Variants in LGR5 observed in about 807,000 individuals in gnomAD.
The protein encoded by LGR5 is leucine-rich repeat-containing G protein-coupled receptor 5.
A neutral mutation model predicts 76.7 loss-of-function variants in LGR5; 54 were observed. The ratio of observed to expected loss-of-function variants is 0.70; its 90% CI spans 0.57 to 0.88. The LOEUF (loss-of-function observed/expected upper bound fraction) is 0.88, where lower values mean the gene tolerates loss of function less well. Ranked by LOEUF, LGR5 falls within the 40% of genes least tolerant of loss-of-function variation. The pLI, the probability that LGR5 is intolerant of heterozygous loss-of-function variation, is 0.00. For missense variants in LGR5, 1,078 were observed against 1,073.3 expected (o/e 1.00, Z -0.06); for synonymous variants, 406 against 421.9 (o/e 0.96, Z 0.46).
chr12:71,448,405 A>G (rs537823967), intron 1 of LGR5: 1 of 152,336 alleles, frequency 6.6e-6, no homozygotes, highest in East Asian at 1.9e-4. Flanking sequence ...ACCTTAGTAC[A>G]TAACAAGGAT....
At chr12:71,545,293 A>G (rs1487475337) in intron 4 of LGR5, among the ~76,000 whole-genome samples, 1 of 152,022 alleles carries the variant, frequency 6.6e-6, no homozygotes, top group Non-Finnish European at 1.5e-5. Flanking sequence ...CAAAAAATAC[A>G]AAAAATTAGC....
chr12:71,560,673 TC>T (rs1270182610), intron 7 of LGR5, among the ~76,000 whole-genome samples: 2 of 152,178 alleles, frequency 1.3e-5, no homozygotes, highest in Non-Finnish European at 2.9e-5. Flanking sequence ...ATGCCTATAA[TC>T]CCAGCTTCTT....
At chr12:71,561,884 A>G in intron 8 of LGR5, 32 bp downstream of exon 8, 1 of 1,218,880 alleles carries the variant, frequency 8.2e-7, no homozygotes. Flanking sequence ...CGGTTTCTCC[A>G]TCCTGAAATA....
At chr12:71,451,483 T>C (rs997262609) in intron 1 of LGR5, among the ~76,000 whole-genome samples, 4 of 152,298 alleles carry the variant, frequency 2.6e-5, no homozygotes, top group Middle Eastern at 3.4e-3. Context: ...TGTGTTGCCA[T>C]CTGCTGGGAT....
chr12:71,474,722 AT>A (rs1372495762), intron 1 of LGR5, among the ~76,000 whole-genome samples: 1 of 152,224 alleles, frequency 6.6e-6, no homozygotes, highest in African/African-American at 2.4e-5. Context: ...AATTTACTTA[AT>A]TTTAAGCTTG....
chr12:71,475,995 G>C (rs142503292), intron 1 of LGR5, among the ~76,000 whole-genome samples: 253 of 152,224 alleles, frequency 1.7e-3, no homozygotes, highest in African/African-American at 5.7e-3. Context: ...TGATATGTTG[G>C]GGATTGACAC....
At chr12:71,516,118 G>A (rs1875421208) in intron 2 of LGR5, among the ~76,000 whole-genome samples, 1 of 151,996 alleles carries the variant, frequency 6.6e-6, no homozygotes, top group Non-Finnish European at 1.5e-5. Context: ...GGGAGGAAAA[G>A]GAGAATGAGG....
chr12:71,515,005 G>A (rs1875367604), intron 2 of LGR5, among the ~76,000 whole-genome samples: 1 of 152,184 alleles, frequency 6.6e-6, no homozygotes, highest in South Asian at 2.1e-4. Flanking sequence ...TCTTACCAAA[G>A]ATGAACACAA....
chr12:71,482,217 C>A (rs1204286972), intron 1 of LGR5, among the ~76,000 whole-genome samples: 3 of 152,152 alleles, frequency 2.0e-5, no homozygotes, highest in Admixed American at 2.0e-4. Context: ...TCTTAGGGGA[C>A]ATTTATTTGG....
intron 2 of LGR5, among the ~76,000 whole-genome samples, chr12:71,511,827 C>G (rs1875171406): frequency 6.6e-6 from 1 of 152,014 alleles, no homozygotes; most frequent in African/African-American, 2.4e-5. Context: ...AGACTTGTGC[C>G]TGCCCTGTCA....
intron 1 of LGR5, among the ~76,000 whole-genome samples, chr12:71,459,255 C>T (rs1872601739): frequency 6.6e-6 from 1 of 152,046 alleles, no homozygotes; most frequent in South Asian, 2.1e-4. Flanking sequence ...GCCTTACTGG[C>T]TTATAGTTTT....
intron 4 of LGR5, among the ~76,000 whole-genome samples, chr12:71,552,522 G>A (rs903730052): frequency 1.3e-5 from 2 of 149,856 alleles, no homozygotes; most frequent in African/African-American, 4.9e-5. Flanking sequence ...CCGAGATCGC[G>A]CCATTGCACT....
chr12:71,531,469 A>G (rs1005389968), intron 3 of LGR5, among the ~76,000 whole-genome samples: 3 of 152,234 alleles, frequency 2.0e-5, no homozygotes, highest in African/African-American at 7.2e-5. Flanking sequence ...GGGAGTGATC[A>G]GGGCTTAAAT....
At chr12:71,546,287 C>A (rs1201888492) in intron 4 of LGR5, among the ~76,000 whole-genome samples, 1 of 148,824 alleles carries the variant, frequency 6.7e-6, no homozygotes, top group East Asian at 2.0e-4. Flanking sequence ...TGCACTCCAG[C>A]CTGGGAGACA....
intron 13 of LGR5, among the ~76,000 whole-genome samples, chr12:71,577,382 T>C (rs993205606): frequency 2.6e-5 from 4 of 152,216 alleles, no homozygotes; most frequent in African/African-American, 4.8e-5. Flanking sequence ...ATTTTATTTC[T>C]AACATATGTT....
At chr12:71,531,943 A>G (rs540754750) in intron 3 of LGR5, among the ~76,000 whole-genome samples, 2 of 152,182 alleles carry the variant, frequency 1.3e-5, no homozygotes, top group African/African-American at 4.8e-5. Flanking sequence ...AAAGCAGCAG[A>G]GAAAGTTCGC....
chr12:71,583,664 G>A lies in LGR5; in HGVS notation c.1654G>A (p.Glu552Lys). ...SPSPGPFKPC[E>K]HLLDGWLIRI... ...ACTTCTAGGCCCCTTCAAACCCTGTGAACACCTGCTTGATGGCTGGCTGAT... is the reference window on the plus strand; with the variant it reads ...ACTTCTAGGCCCCTTCAAACCCTGTAAACACCTGCTTGATGGCTGGCTGAT... The change falls in exon 18 of 18, where the codon GAA becomes AAA. Residue 552 changes from glutamate (E) to lysine (K), a missense_variant. Glu to Lys is a moderately conservative substitution (Grantham distance 56). Coordinates refer to ENST00000266674, the MANE Select transcript of LGR5 (RefSeq NM_003667.4). 6.2e-7 allele frequency: 1 copy of A among 1,612,920 alleles called. No homozygotes were observed. Among genetic ancestry groups the A allele is most frequent in the South Asian group, 1.1e-5 (1 of 90,962 alleles).
In LGR5 at chr12:71,493,334, G is replaced by A. The variant is rs1224343098; in HGVS notation, c.213-11280G>A. Reference sequence around the variant, plus strand: ...ACGTCTCTGGGTCTTAATATTATGTGTATAAACTGATATAAATCAGGAAAC... The same window carrying A: ...ACGTCTCTGGGTCTTAATATTATGTATATAAACTGATATAAATCAGGAAAC... On this transcript the variant is annotated intron_variant, in intron 1 of 17. Coordinates refer to ENST00000266674, the MANE Select transcript of LGR5 (RefSeq NM_003667.4). Among the ~76,000 whole-genome samples the A allele has an allele frequency of 3.3e-5, 5 of 151,292 alleles. No individual in the cohort carries two copies. The East Asian group carries it at 5.8e-4, about 18-fold the overall frequency.
chr12:71,558,058 C>G (rs138361725), intron 6 of LGR5, among the ~76,000 whole-genome samples: 2 of 152,268 alleles, frequency 1.3e-5, no homozygotes, highest in East Asian at 3.9e-4. Flanking sequence ...ACAGCTCTTT[C>G]CAGGGTTAAG....
Sources: allele counts gnomAD v4.1 joint callset (sites outside exome capture counted in the v4.1 genomes callset), GRCh38; gene constraint gnomAD v4.1.1; transcripts MANE v1.5; gene names NCBI Gene and HGNC (gene_info 2026-07-23, HGNC 2026-07-21).